SIPA1L1: variants seen among roughly 807,000 people sequenced by gnomAD.
The protein encoded by SIPA1L1 is signal induced proliferation associated 1 like 1.
Under a neutral mutation model 162.7 loss-of-function variants are expected in SIPA1L1, and 26 were observed. The observed-to-expected ratio is 0.16, with a 90% CI of 0.12 to 0.22. SIPA1L1 has a LOEUF of 0.22. Ranked by LOEUF, SIPA1L1 falls within the 10% of genes least tolerant of loss-of-function variation. The pLI is 1.00. For synonymous variants in SIPA1L1, 829 were observed against 837.4 expected (o/e 0.99, Z 0.17); for missense variants, 1,874 against 2,241.0 (o/e 0.84, Z 3.31).
At chr14:71,598,250 G>T in intron 5 of SIPA1L1, 1 of 984,254 alleles carries the variant, frequency 1.0e-6, no homozygotes, top group Non-Finnish European at 1.2e-6. Context: ...AACTTTACTG[G>T]ACACAACTGA....
At chr14:71,330,399 G>T (rs1454008445) in intron 2 of SIPA1L1, 2 of 1,187,142 alleles carry the variant, frequency 1.7e-6, no homozygotes, top group East Asian at 4.7e-5. Context: ...CATGCATGCT[G>T]ATTTCACGAG....
intron 4 of SIPA1L1, among the ~76,000 whole-genome samples, chr14:71,533,146 G>T (rs1461229935): frequency 1.3e-5 from 2 of 152,190 alleles, no homozygotes; most frequent in Non-Finnish European, 2.9e-5. Flanking sequence ...TGAAGTGGGT[G>T]AAAGTCATTT....
intron 4 of SIPA1L1, among the ~76,000 whole-genome samples, chr14:71,585,446 T>C (rs1035058202): frequency 2.6e-5 from 4 of 152,182 alleles, no homozygotes; most frequent in African/African-American, 2.4e-5. Context: ...ATTAAAAATA[T>C]TGGAAGTATA....
chr14:71,390,244 A>G (rs754686536), intron 2 of SIPA1L1, among the ~76,000 whole-genome samples: 31 of 152,240 alleles, frequency 2.0e-4, no homozygotes, highest in African/African-American at 6.3e-4. Flanking sequence ...AATCTTTATT[A>G]TAGAAAAATT....
At chr14:71,634,179 T>C (rs576665810) in intron 7 of SIPA1L1, among the ~76,000 whole-genome samples, 2 of 151,832 alleles carry the variant, frequency 1.3e-5, no homozygotes, top group Admixed American at 1.3e-4. Context: ...GGCAGGTGGA[T>C]CACCTGAGGT....
chr14:71,479,967 G>A (rs1271222731), intron 2 of SIPA1L1, among the ~76,000 whole-genome samples: 2 of 152,006 alleles, frequency 1.3e-5, no homozygotes, highest in East Asian at 1.9e-4. Context: ...TTGAATTCCT[G>A]GGCTCAAGCG....
intron 5 of SIPA1L1, among the ~76,000 whole-genome samples, chr14:71,614,060 C>T (rs892433445): frequency 6.6e-6 from 1 of 151,954 alleles, no homozygotes; most frequent in Non-Finnish European, 1.5e-5. Context: ...ATTAGCTAGG[C>T]GTGGTGGCAC....
intron 18 of SIPA1L1, among the ~76,000 whole-genome samples, chr14:71,724,427 A>G (rs2084038009): frequency 6.6e-6 from 1 of 152,334 alleles, no homozygotes; most frequent in Non-Finnish European, 1.5e-5. Context: ...GGCTTAGTAA[A>G]ACTAATAGCT....
chr14:71,539,558 A>G (rs1305051683), intron 4 of SIPA1L1, among the ~76,000 whole-genome samples: 1 of 152,244 alleles, frequency 6.6e-6, no homozygotes, highest in Non-Finnish European at 1.5e-5. Context: ...GGCAGTGACC[A>G]TGAAGTTCTT....
intron 2 of SIPA1L1, among the ~76,000 whole-genome samples, chr14:71,333,819 A>C (rs575002138): frequency 6.6e-6 from 1 of 152,260 alleles, no homozygotes; most frequent in African/African-American, 2.4e-5. Flanking sequence ...AGGAGTGCAA[A>C]GGTGGAAATA....
intron 7 of SIPA1L1, among the ~76,000 whole-genome samples, chr14:71,637,995 G>C (rs1440117692): frequency 6.6e-6 from 1 of 152,032 alleles, no homozygotes; most frequent in Admixed American, 6.5e-5. Flanking sequence ...TCAGAAAACA[G>C]TCACAACTCA....
At chr14:71,424,417 A>G (rs1331352852) in intron 2 of SIPA1L1, among the ~76,000 whole-genome samples, 1 of 151,988 alleles carries the variant, frequency 6.6e-6, no homozygotes, top group Non-Finnish European at 1.5e-5. Flanking sequence ...CTGGTTTTTC[A>G]TATGTTGCTT....
At chr14:71,604,927 C>G (rs1051640344) in intron 5 of SIPA1L1, among the ~76,000 whole-genome samples, 32 of 152,190 alleles carry the variant, frequency 2.1e-4, no homozygotes, top group Middle Eastern at 3.4e-3. Context: ...ATCTAAATCT[C>G]TTGCTAGACT....
intron 2 of SIPA1L1, among the ~76,000 whole-genome samples, chr14:71,510,678 AC>A (rs2051074385): frequency 6.6e-6 from 1 of 152,092 alleles, no homozygotes; most frequent in Non-Finnish European, 1.5e-5. Flanking sequence ...TAGCTGTGTC[AC>A]TTTTGTGAAT....
At chr14:71,527,871 A>G (rs2145195601) in intron 3 of SIPA1L1, among the ~76,000 whole-genome samples, 1 of 152,228 alleles carries the variant, frequency 6.6e-6, no homozygotes, top group African/African-American at 2.4e-5. Flanking sequence ...TTGGATAAGG[A>G]CAGAGTTCTT....
At chr14:71,381,259 A>G (rs560791691) in intron 2 of SIPA1L1, among the ~76,000 whole-genome samples, 1 of 152,140 alleles carries the variant, frequency 6.6e-6, no homozygotes, top group East Asian at 1.9e-4. Context: ...TCACTGTGTT[A>G]GCCAGGATGG....
intron 2 of SIPA1L1, among the ~76,000 whole-genome samples, chr14:71,439,733 A>T (rs1038111120): frequency 6.6e-6 from 1 of 152,130 alleles, no homozygotes; most frequent in East Asian, 1.9e-4. Context: ...ACTAATGAAA[A>T]CCTTATTTAG....
intron 3 of SIPA1L1, among the ~76,000 whole-genome samples, chr14:71,518,015 G>A (rs1289293837): frequency 5.3e-5 from 8 of 152,116 alleles, no homozygotes; most frequent in Non-Finnish European, 1.5e-5. Flanking sequence ...CGGACACAGT[G>A]GCTCACACCT....
chr14:71,472,076 G>A (rs944078812), intron 2 of SIPA1L1, among the ~76,000 whole-genome samples: 2 of 152,100 alleles, frequency 1.3e-5, no homozygotes, highest in Admixed American at 1.3e-4. Flanking sequence ...AGAGATGAGA[G>A]CACTCTTCAG....
Sources: gnomAD v4.1 joint callset for allele counts (sites outside exome capture counted in the v4.1 genomes callset) on GRCh38, gnomAD v4.1.1 for gene constraint, MANE v1.5 for transcripts, NCBI Gene and HGNC (gene_info 2026-07-23, HGNC 2026-07-21) for gene names.